Variants in EFCAB12 observed in about 807,000 individuals in gnomAD.
The protein encoded by EFCAB12 is EF-hand calcium-binding domain-containing protein 12.
In EFCAB12, 43 loss-of-function variants were observed where a neutral mutation model predicts 53.6. The ratio of observed to expected loss-of-function variants is 0.80; its 90% CI spans 0.63 to 1.03. EFCAB12 has a LOEUF of 1.03. Among genes scored for constraint, EFCAB12 ranks in the 50% least tolerant of loss-of-function variants. The probability of loss-of-function intolerance (pLI) is 0.00; values close to 1 mark genes in which losing one functional copy is unlikely to be tolerated. For synonymous variants in EFCAB12, 269 were observed against 289.2 expected (o/e 0.93, Z 0.71); for missense variants, 646 against 730.6 (o/e 0.88, Z 1.34).
intron 6 of EFCAB12, among the ~76,000 whole-genome samples, chr3:129,408,095 G>A (rs1326472574): frequency 6.6e-6 from 1 of 152,186 alleles, no homozygotes; most frequent in African/African-American, 2.4e-5. Context: ...CAAGCAGAGG[G>A]AAGAAGCAGT....
At position 129,405,241 on chromosome 3, in the gene EFCAB12, A is replaced by G. The variant is rs565684386; in HGVS notation, c.1250-838T>C. ...TGAGCCAGGGTCTCCACCTTCTGCA[A>G]CTATCAAGCAGTGCTTGTCTTAAGC... On this transcript the variant is annotated intron_variant, in intron 6 of 8. Transcript: ENST00000505956. 4.6e-5 allele frequency among the ~76,000 whole-genome samples: 7 copies of G among 152,344 alleles called. No homozygotes were observed. The East Asian group carries it at 7.7e-4, about 17-fold the overall frequency.
chr3:129,408,939 T>C, intron 5 of EFCAB12, 81 bp from the exon 6 acceptor site: 1 of 1,463,020 alleles, frequency 6.8e-7, no homozygotes, highest in Non-Finnish European at 9.3e-7. Flanking sequence ...ATGCAGTGCC[T>C]CATCGACCTC....
Position 129,418,249 on chromosome 3 carries a change from C to T in EFCAB12, c.681+5G>A, listed in dbSNP as rs540251910. On this transcript the variant is annotated splice_donor_5th_base_variant and intron_variant, in intron 3 of 8. Transcript: ENST00000505956. The stretch of plus-strand genomic sequence containing the variant: ...GCCCATCCAGAGAAAGCAGGTGGCA[C>T]TTACTGCCTTTACAGCCGCGATGAA... 3.1e-6 allele frequency: 5 copies of T among 1,603,656 alleles called. No homozygotes were observed. In the Admixed American group the frequency reaches 6.7e-5, roughly 22 times the overall value.
chr3:129,419,607 C>T (rs1210076706), intron 2 of EFCAB12, among the ~76,000 whole-genome samples: 1 of 152,220 alleles, frequency 6.6e-6, no homozygotes, highest in Non-Finnish European at 1.5e-5. Context: ...ACCCCCTCAC[C>T]CTGAGATGCC....
rs145102942 is a variant in EFCAB12 at position 129,419,756 on chromosome 3, A to C, written c.487-1308T>G. ...CCTCCAGGACTGTGAGCCAAAAAAA[A>C]CTCTCTTTTCTTTATAAATTACCCA... On this transcript the variant is annotated intron_variant, in intron 2 of 8. Transcript: ENST00000505956. Among the ~76,000 whole-genome samples the C allele has an allele frequency of 3.2e-3, 487 of 151,966 alleles. 5 individuals are homozygous for C. The highest frequency in any genetic ancestry group is 8.9e-3 in the Admixed American group (135 of 15,242).
chr3:129,423,568 C>T (rs139391309), intron 1 of EFCAB12, among the ~76,000 whole-genome samples: 80 of 152,230 alleles, frequency 5.3e-4, no homozygotes, highest in Non-Finnish European at 9.9e-4. Flanking sequence ...GTCAAGGCTA[C>T]AGTGAGCTGA....
At chr3:129,402,414 G>T in intron 8 of EFCAB12, 109 bp downstream of exon 8, 1 of 1,244,576 alleles carries the variant, frequency 8.0e-7, no homozygotes, top group Non-Finnish European at 1.2e-6. Context: ...TCAGGCCAGG[G>T]CACCGAGCCC....
At position 129,418,180 on chromosome 3, in the gene EFCAB12, C is replaced by T. The variant is rs563352251; in HGVS notation, c.681+74G>A. 6.6e-4 allele frequency: 908 copies of T among 1,378,926 alleles called. 11 individuals are homozygous for T. The Admixed American group carries it at 0.017, about 26-fold the overall frequency. The allele number at this position is 1,378,926 out of a possible 1,614,324, so 85.4% of individuals were successfully genotyped here. A position where few individuals can be genotyped will look rare whatever the true frequency, so the allele number is the denominator to read the frequency against. On this transcript the variant is annotated intron_variant, in intron 3 of 8. Transcript: ENST00000505956. Reference sequence around the variant, plus strand: ...AGAACCCAGCATGGCGGGGGAGGGGCGGGGGTGGCAAAGAGGGAGTACATG... The same window carrying T: ...AGAACCCAGCATGGCGGGGGAGGGGTGGGGGTGGCAAAGAGGGAGTACATG...
rs1232013227 is a variant in EFCAB12 at position 129,401,344 on chromosome 3, G to A, written c.*249C>T. ...GGTGAAATGAGAAAAACTCCAACCT[G>A]CTTTATGTAGAAAGGGCAGAGGTCA... On this transcript the variant is annotated 3_prime_UTR_variant, in exon 9 of 9. Transcript: ENST00000505956. 11 of 433,932 alleles carry A rather than the reference G, an allele frequency of 2.5e-5. No homozygotes were observed. In the Admixed American group the frequency reaches 4.0e-4, roughly 16 times the overall value. 26.9% of individuals were successfully genotyped at this position (433,932 alleles called of 1,614,324 possible). A position where few individuals can be genotyped will look rare whatever the true frequency, so the allele number is the denominator to read the frequency against.
intron 1 of EFCAB12, 88 bp downstream of exon 1, chr3:129,428,352 T>A (rs1367342495): frequency 2.6e-6 from 4 of 1,528,138 alleles, no homozygotes; most frequent in Non-Finnish European, 3.6e-6. Flanking sequence ...CGGCACAATA[T>A]CTGTGGCTGA....
In EFCAB12 at chr3:129,428,543, G is replaced by T. The variant is rs2072298547; in HGVS notation, c.-55C>A. The stretch of plus-strand genomic sequence containing the variant: ...GGCGTGTGTGAATGTGTGTCGATGT[G>T]GGCTTGCTTGCGTAGGGGTACCGGG... On this transcript the variant is annotated 5_prime_UTR_variant, in exon 1 of 9. Coordinates refer to ENST00000505956, the MANE Select transcript of EFCAB12 (RefSeq NM_207307.3). The T allele has an allele frequency of 1.3e-6, 2 of 1,586,822 alleles. No homozygotes were observed. The highest frequency in any genetic ancestry group is 1.1e-5 in the South Asian group (1 of 87,758).
intron 2 of EFCAB12, 149 bp downstream of exon 2, chr3:129,421,218 A>G: frequency 1.2e-6 from 1 of 843,814 alleles, no homozygotes; most frequent in Non-Finnish European, 1.8e-6. Context: ...ATAGATAACT[A>G]GACAACTAAT....
At chr3:129,406,762 C>G (rs1400564959) in intron 6 of EFCAB12, among the ~76,000 whole-genome samples, 2 of 152,144 alleles carry the variant, frequency 1.3e-5, no homozygotes, top group Non-Finnish European at 2.9e-5. Context: ...CTCGGCCTCC[C>G]AAAGTGCTGG....
chr3:129,411,155 T>C lies in EFCAB12; in HGVS notation c.1035+3A>G, dbSNP rs1227237861. 1 of 1,568,004 alleles carries C rather than the reference T, an allele frequency of 6.4e-7. No homozygotes were observed. Among genetic ancestry groups the C allele is most frequent in the African/African-American group, 1.4e-5 (1 of 73,796 alleles). On this transcript the variant is annotated splice_donor_region_variant and intron_variant, in intron 5 of 8. Transcript: ENST00000505956. Reference sequence around the variant, plus strand: ...GCATGCTCTCCTTGGGCTGGCGAGGTACCTTGTGCTGTCGCTGCCGCTCGC... The same window carrying C: ...GCATGCTCTCCTTGGGCTGGCGAGGCACCTTGTGCTGTCGCTGCCGCTCGC...
At position 129,418,443 on chromosome 3, in the gene EFCAB12, T is replaced by G; in HGVS notation, c.492A>C (p.Lys164Asn). The G allele has an allele frequency of 6.2e-7, 1 of 1,604,064 alleles. No homozygotes were observed. Among genetic ancestry groups the G allele is most frequent in the South Asian group, 1.1e-5 (1 of 89,696 alleles). Residue 164 changes from lysine (K) to asparagine (N), a missense_variant, in exon 3 of 9, where the codon AAA becomes AAC. Transcript: ENST00000505956. ...SQATTRTTRK[K>N]APRLSRLSRQ... ...GGGACAGCCGGGAGAGCCTGGGGGC[T>G]TTCTTCTGGAAGAGGTGAGAGGGTA...
chr3:129,406,307 C>T (rs1004928333), intron 6 of EFCAB12, among the ~76,000 whole-genome samples: 1 of 152,180 alleles, frequency 6.6e-6, no homozygotes, highest in African/African-American at 2.4e-5. Context: ...TGTCTCTGCC[C>T]TCCCAACCCA....
At chr3:129,423,954 AGACTC>A (rs1178705366) in intron 1 of EFCAB12, among the ~76,000 whole-genome samples, 2 of 152,058 alleles carry the variant, frequency 1.3e-5, no homozygotes, top group African/African-American at 4.8e-5. Flanking sequence ...TCACCCTTTG[AGACTC>A]AGCTCAGGCA....
intron 5 of EFCAB12, 58 bp downstream of exon 5, chr3:129,411,100 C>T: frequency 6.6e-7 from 1 of 1,524,272 alleles, no homozygotes; most frequent in Non-Finnish European, 8.8e-7. Flanking sequence ...CTGCGGTGAT[C>T]TGAACCCCAG....
Position 129,428,358 on chromosome 3 carries a change from G to A in EFCAB12, c.49+82C>T, listed in dbSNP as rs955474252. 23 of 1,536,048 alleles carry A rather than the reference G, an allele frequency of 1.5e-5. No homozygotes were observed. In the Admixed American group the frequency reaches 1.6e-4, roughly 10 times the overall value. On this transcript the variant is annotated intron_variant, in intron 1 of 8. Transcript: ENST00000505956. Reference sequence around the variant, plus strand: ...AGAGGGGGTCGGCACAATATCTGTGGCTGAGTTTTTGCCCTCACCCCACTT... The same window carrying A: ...AGAGGGGGTCGGCACAATATCTGTGACTGAGTTTTTGCCCTCACCCCACTT...
Sources: gnomAD v4.1 joint callset for allele counts (sites outside exome capture counted in the v4.1 genomes callset) on GRCh38, gnomAD v4.1.1 for gene constraint, MANE v1.5 for transcripts, NCBI Gene and HGNC (gene_info 2026-07-23, HGNC 2026-07-21) for gene names.